Variants in RBFOX1 observed in about 807,000 individuals in gnomAD.
RBFOX1 encodes RNA binding fox-1 homolog 1.
In RBFOX1, 8 loss-of-function variants were observed where a neutral mutation model predicts 57.7. The ratio of observed to expected loss-of-function variants is 0.14; its 90% CI spans 0.08 to 0.25. The LOEUF is 0.25. RBFOX1 is among the 10% of genes least tolerant of loss of function. RBFOX1 has a pLI of 1.00. For synonymous variants in RBFOX1, 326 were observed against 222.4 expected, an observed-to-expected ratio of 1.47 and a Z score of -4.15; for missense variants, 611 against 548.5, an observed-to-expected ratio of 1.11 and a Z score of -1.14.
rs866903946 is a variant in RBFOX1 at position 6,065,419 on chromosome 16, T to C, written c.-127+45427T>C. Among the ~76,000 whole-genome samples, 7 of 152,200 alleles carry C rather than the reference T, an allele frequency of 4.6e-5. 1 individual carries two copies. The Middle Eastern group carries it at 0.01, about 222-fold the overall frequency. On this transcript the variant is annotated intron_variant, in intron 1 of 15. Coordinates refer to ENST00000550418, the MANE Select transcript of RBFOX1 (RefSeq NM_018723.4). ...TCACAGTTTCAGTGCTATTGTGTGT[T>C]CTTAGGTGGTTTGCTTTTCTTGCTG...
At chr16:7,633,976 G>A (rs2061374316) in intron 11 of RBFOX1, among the ~76,000 whole-genome samples, 1 of 152,120 alleles carries the variant, frequency 6.6e-6, no homozygotes, top group Admixed American at 6.5e-5. Context: ...CACATAAAGG[G>A]TTATTTTTAC....
intron 8 of RBFOX1, among the ~76,000 whole-genome samples, chr16:7,596,136 C>A (rs554121008): frequency 0.029 from 103 of 3,566 alleles, no homozygotes; most frequent in African/African-American, 0.037. Flanking sequence ...GAAAAAAAAA[C>A]AAAAAAAAAA....
rs554833862 is a variant in RBFOX1 at position 5,675,788 on chromosome 16, C to T, written c.318+76827C>T. On this transcript the variant is annotated intron_variant, in intron 3 of 19. Coordinates refer to the RBFOX1 transcript ENST00000641259. ...GATGGTATGTGGAGACATGCTGCTC[C>T]TCTCCATTCTCCTCTGGCAGCTCCT... 1.6e-4 allele frequency among the ~76,000 whole-genome samples: 25 copies of T among 152,274 alleles called. No individual in the cohort carries two copies. In the South Asian group the frequency reaches 5.0e-3, roughly 30 times the overall value.
chr16:6,305,341 T>A (rs1053511879), intron 1 of RBFOX1, among the ~76,000 whole-genome samples: 5 of 152,134 alleles, frequency 3.3e-5, no homozygotes, highest in African/African-American at 1.2e-4. Flanking sequence ...CATAGGGATG[T>A]CAGTGCAATG....
chr16:6,618,434 C>G (rs150788209), intron 2 of RBFOX1, among the ~76,000 whole-genome samples: 11 of 152,278 alleles, frequency 7.2e-5, no homozygotes, highest in African/African-American at 2.6e-4. Context: ...CACAGGAAGA[C>G]TAGTGTGTCA....
At chr16:5,623,832 T>C (rs982473841) in intron 3 of RBFOX1, among the ~76,000 whole-genome samples, 2 of 152,180 alleles carry the variant, frequency 1.3e-5, no homozygotes, top group African/African-American at 2.4e-5. Context: ...ATAAAGGCTT[T>C]TGGAAAAACG....
chr16:5,404,247 G>T (rs2066801035), intron 1 of RBFOX1, among the ~76,000 whole-genome samples: 1 of 152,146 alleles, frequency 6.6e-6, no homozygotes, highest in African/African-American at 2.4e-5. Flanking sequence ...TGACCACTAT[G>T]CAATCTGTGC....
At chr16:5,885,292 G>C (rs1461853133) in intron 4 of RBFOX1, among the ~76,000 whole-genome samples, 1 of 143,776 alleles carries the variant, frequency 7.0e-6, no homozygotes, top group African/African-American at 2.6e-5. Context: ...TTCTTACCCA[G>C]AATGTCACGT....
intron 1 of RBFOX1, among the ~76,000 whole-genome samples, chr16:6,299,106 C>T (rs533393439): frequency 6.6e-6 from 1 of 152,290 alleles, no homozygotes; most frequent in East Asian, 1.9e-4. Context: ...AGGAAAGTAA[C>T]CCCAAGCAAT....
chr16:7,073,441 AAACTC>A (rs1446909029), intron 4 of RBFOX1, among the ~76,000 whole-genome samples: 3 of 152,166 alleles, frequency 2.0e-5, no homozygotes, highest in African/African-American at 7.2e-5. Flanking sequence ...TGCCAGAACA[AAACTC>A]AACCACCATT....
intron 4 of RBFOX1, among the ~76,000 whole-genome samples, chr16:5,881,032 T>G (rs1207700519): frequency 6.6e-6 from 1 of 152,242 alleles, no homozygotes; most frequent in African/African-American, 2.4e-5. Context: ...CTTGTAATAC[T>G]ACTGCAATGT....
intron 1 of RBFOX1, among the ~76,000 whole-genome samples, chr16:6,067,452 T>G (rs2095782039): frequency 6.6e-6 from 1 of 152,222 alleles, no homozygotes; most frequent in African/African-American, 2.4e-5. Context: ...ATTCAAAGTT[T>G]CATTGAAAAT....
chr16:6,136,559 T>C (rs1037544876), intron 1 of RBFOX1, among the ~76,000 whole-genome samples: 12 of 152,234 alleles, frequency 7.9e-5, no homozygotes, highest in South Asian at 6.2e-4. Flanking sequence ...GCCTGAGTTC[T>C]GTGCATTTCT....
intron 2 of RBFOX1, among the ~76,000 whole-genome samples, chr16:5,548,174 AATATATATATAT>A (rs71142629): frequency 0.017 from 568 of 33,570 alleles, 17 homozygotes; most frequent in African/African-American, 0.043. Flanking sequence ...AAAAAAAAAA[AATATATATATAT>A]ATATATATAT....
chr16:5,915,898 A>G (rs1228674105), intron 4 of RBFOX1, among the ~76,000 whole-genome samples: 3 of 152,196 alleles, frequency 2.0e-5, no homozygotes, highest in African/African-American at 7.2e-5. Flanking sequence ...AAAAAATGTC[A>G]TATTAAAATT....
At chr16:6,438,469 G>C (rs1472209848) in intron 2 of RBFOX1, among the ~76,000 whole-genome samples, 1 of 152,166 alleles carries the variant, frequency 6.6e-6, no homozygotes, top group Non-Finnish European at 1.5e-5. Context: ...CATAGGGCTG[G>C]ATGCTGTGTG....
At chr16:5,255,041 G>C (rs1367371050) in intron 1 of RBFOX1, among the ~76,000 whole-genome samples, 2 of 152,186 alleles carry the variant, frequency 1.3e-5, no homozygotes, top group African/African-American at 4.8e-5. Flanking sequence ...TTGATTATTG[G>C]TTGCCCAGCT....
At chr16:6,611,647 C>G (rs2098056735) in intron 2 of RBFOX1, among the ~76,000 whole-genome samples, 2 of 152,184 alleles carry the variant, frequency 1.3e-5, no homozygotes, top group African/African-American at 4.8e-5. Flanking sequence ...CTTTCTTTCT[C>G]CTTTCTTTGT....
chr16:6,991,138 A>AG (rs2091365655), intron 3 of RBFOX1, among the ~76,000 whole-genome samples: 1 of 34,732 alleles, frequency 2.9e-5, no homozygotes, highest in Non-Finnish European at 8.4e-5. Context: ...TGTCTCTCCA[A>AG]AAAAAAAAAA....
Sources: allele counts gnomAD v4.1 joint callset (sites outside exome capture counted in the v4.1 genomes callset), GRCh38; gene constraint gnomAD v4.1.1; transcripts MANE v1.5; gene names NCBI Gene and HGNC (gene_info 2026-07-23, HGNC 2026-07-21).